Variants in DMXL2 observed in about 807,000 individuals in gnomAD.
DMXL2 encodes Dmx like 2.
DMXL2 carries 103 observed loss-of-function variants against 331.1 expected under a neutral mutation model. That is an observed-to-expected ratio of 0.31 (90% CI 0.27 to 0.37). The LOEUF (loss-of-function observed/expected upper bound fraction) is 0.37. Ranked by LOEUF, DMXL2 falls within the 10% of genes least tolerant of loss-of-function variation. The probability of loss-of-function intolerance (pLI) is 1.00; values close to 1 mark genes in which losing one functional copy is unlikely to be tolerated. For synonymous variants in DMXL2, 1,281 were observed against 1,252.1 expected (o/e 1.02, Z -0.49); for missense variants, 3,171 against 3,642.9 (o/e 0.87, Z 3.33).
chr15:51,507,811 TA>T (rs57858304), intron 15 of DMXL2, among the ~76,000 whole-genome samples: 10,265 of 141,126 alleles, frequency 0.073, 620 homozygotes, highest in East Asian at 0.18. Context: ...AAAACAGCAT[TA>T]AAAAAAAAAA....
At chr15:51,619,463 A>G (rs942466886) in intron 1 of DMXL2, among the ~76,000 whole-genome samples, 2 of 152,254 alleles carry the variant, frequency 1.3e-5, no homozygotes, top group Non-Finnish European at 2.9e-5. Context: ...CTAAAACCAC[A>G]GACATCAGCT....
chr15:51,456,405 A>G, intron 37 of DMXL2, 36 bp from the exon 38 acceptor site: 6 of 1,300,322 alleles, frequency 4.6e-6, no homozygotes, highest in Non-Finnish European at 6.4e-6. Flanking sequence ...TATTTTGTGT[A>G]TGCAGAAAAG....
At position 51,622,747 on chromosome 15, in the gene DMXL2, C is replaced by G. The variant is rs944999278; in HGVS notation, c.-202G>C. On this transcript the variant is annotated 5_prime_UTR_variant, in exon 1 of 44. Transcript: ENST00000560891. ...GAGCTCCTCGACCGCCGCCGCCGCC[C>G]GGGTCGCCGCTCAGCTGCGGAAATG... 2 of 979,016 alleles carry G rather than the reference C, an allele frequency of 2.0e-6. No homozygotes were observed. The highest frequency in any genetic ancestry group is 2.9e-6 in the Non-Finnish European group (2 of 695,250). 60.6% of individuals were successfully genotyped at this position (979,016 alleles called of 1,614,324 possible).
At chr15:51,500,336 G>T in intron 17 of DMXL2, 105 bp from the exon 18 acceptor site, 1 of 1,168,124 alleles carries the variant, frequency 8.6e-7, no homozygotes, top group Non-Finnish European at 1.2e-6. Context: ...GTCACTATGA[G>T]CTTCTTCAGA....
rs753979216 is a variant in DMXL2, at chr15:51,456,366, T to C, written c.8341A>G (p.Met2781Val). ...GQTSTGASVL[M>V]KRNLHNVKRM... is the part of the protein sequence containing the mutation. ...TTAACATTATGTAGATTCCTTTTCA[T>C]AAGCTTTAAAAGAAAATTTTAAAAA... The change falls in exon 38 of 44, where the codon ATG (methionine) becomes GTG (valine). Residue 2781 changes from methionine (M) to valine (V), a missense_variant. Met to Val is a conservative substitution (Grantham distance 21, BLOSUM62 1). This residue lies in a region of DMXL2 where 766 missense variants were observed against 940.5 expected (regional missense o/e 0.81). Transcript: ENST00000560891. 1 of 1,579,160 alleles carries C rather than the reference T, an allele frequency of 6.3e-7. No homozygotes were observed. The highest frequency in any genetic ancestry group is 8.6e-7 in the Non-Finnish European group (1 of 1,164,524).
chr15:51,499,658 G>C lies in DMXL2; in HGVS notation c.3566C>G (p.Ala1189Gly), dbSNP rs763943664. ...AAGCCTTCCATACATGAAGATATTC[G>C]CACCGACTCCCACTGTAAGAATGTG... ...GSHILTVGVG[A>G]NIFMYGRLSG... Residue 1189 changes from alanine to glycine, a missense_variant, in exon 18 of 44, where the codon GCG becomes GGG. This residue lies in a region of DMXL2 where 1,674 missense variants were observed against 1,780.2 expected (regional missense o/e 0.94). Coordinates refer to ENST00000560891, the MANE Select transcript of DMXL2 (RefSeq NM_001378457.1). The C allele has an allele frequency of 6.2e-7, 1 of 1,613,792 alleles. No homozygotes were observed. Among genetic ancestry groups the C allele is most frequent in the Admixed American group, 1.7e-5 (1 of 60,012 alleles).
intron 26 of DMXL2, among the ~76,000 whole-genome samples, chr15:51,477,114 C>G (rs2041648794): frequency 6.6e-6 from 1 of 152,028 alleles, no homozygotes; most frequent in South Asian, 2.1e-4. Flanking sequence ...TTTCTTTTCT[C>G]TGCAAAGTTG....
At chr15:51,589,819 ATAGAG>A (rs1278335378) in intron 1 of DMXL2, among the ~76,000 whole-genome samples, 2 of 152,264 alleles carry the variant, frequency 1.3e-5, no homozygotes, top group African/African-American at 2.4e-5. Context: ...AGAGAATTAA[ATAGAG>A]TACTTTGATT....
intron 29 of DMXL2, 49 bp from the exon 30 acceptor site, chr15:51,466,360 CA>C: frequency 1.4e-6 from 1 of 737,148 alleles, no homozygotes; most frequent in Non-Finnish European, 1.9e-6. Flanking sequence ...ATTTCATAAA[CA>C]TATAAAATAT....
intron 3 of DMXL2, among the ~76,000 whole-genome samples, chr15:51,565,896 T>C (rs1345851540): frequency 6.6e-6 from 1 of 152,224 alleles, no homozygotes; most frequent in East Asian, 1.9e-4. Flanking sequence ...TTAACAATTT[T>C]AAAATGTATA....
intron 13 of DMXL2, 30 bp from the exon 14 acceptor site, chr15:51,517,197 G>T: frequency 6.6e-7 from 1 of 1,511,448 alleles, no homozygotes; most frequent in Non-Finnish European, 9.2e-7. Flanking sequence ...AATGTTAATG[G>T]CCAACAAATT....
chr15:51,620,921 C>T (rs1208351467), intron 1 of DMXL2, among the ~76,000 whole-genome samples: 2 of 152,160 alleles, frequency 1.3e-5, no homozygotes, highest in East Asian at 1.9e-4. Flanking sequence ...CCAGACCTGC[C>T]GTGAGACAGC....
chr15:51,604,823 C>T (rs954616708), intron 1 of DMXL2, among the ~76,000 whole-genome samples: 1 of 152,110 alleles, frequency 6.6e-6, no homozygotes, highest in Non-Finnish European at 1.5e-5. Context: ...CAAAGAATCA[C>T]ACTACTCAAT....
chr15:51,472,745 C>T (rs531255000), intron 28 of DMXL2, among the ~76,000 whole-genome samples: 1 of 152,244 alleles, frequency 6.6e-6, no homozygotes, highest in African/African-American at 2.4e-5. Flanking sequence ...ACGAATATAC[C>T]ACACTTTGTT....
chr15:51,536,098 C>A, intron 12 of DMXL2, 68 bp downstream of exon 12: 1 of 1,331,914 alleles, frequency 7.5e-7, no homozygotes, highest in Non-Finnish European at 1.0e-6. Flanking sequence ...CAAATATAAA[C>A]CATTTCGTAT....
intron 1 of DMXL2, among the ~76,000 whole-genome samples, chr15:51,597,019 T>A (rs1370083266): frequency 6.6e-6 from 1 of 152,110 alleles, no homozygotes; most frequent in African/African-American, 2.4e-5. Context: ...CATGTATACA[T>A]ATGTAACTAA....
intron 19 of DMXL2, 111 bp from the exon 20 acceptor site, chr15:51,491,858 AAG>A (rs2042825064): frequency 2.2e-6 from 2 of 928,532 alleles, no homozygotes; most frequent in Middle Eastern, 2.7e-4. Context: ...TTGAAGCAGA[AAG>A]AAAGAATGAA....
intron 43 of DMXL2, among the ~76,000 whole-genome samples, chr15:51,449,460 T>G (rs79930286): frequency 4.6e-5 from 7 of 152,300 alleles, no homozygotes; most frequent in Admixed American, 2.0e-4. Flanking sequence ...ACTATTTGAG[T>G]TAATTCAGTT....
intron 1 of DMXL2, among the ~76,000 whole-genome samples, chr15:51,602,410 G>C (rs557725885): frequency 1.3e-5 from 2 of 152,062 alleles, no homozygotes; most frequent in Non-Finnish European, 2.9e-5. Flanking sequence ...ATGACCCCAA[G>C]AGAGTAGAGT....
Sources: allele counts gnomAD v4.1 joint callset (sites outside exome capture counted in the v4.1 genomes callset), GRCh38; gene constraint gnomAD v4.1.1; regional missense constraint gnomAD v4.1.1; transcripts MANE v1.5; gene names NCBI Gene and HGNC (gene_info 2026-07-23, HGNC 2026-07-21).